NGF: variants seen among roughly 807,000 people sequenced by gnomAD.
The protein encoded by NGF is nerve growth factor.
In NGF, 4 loss-of-function variants were observed where a neutral mutation model predicts 12.8. The ratio of observed to expected loss-of-function variants is 0.31; its 90% confidence interval spans 0.15 to 0.72. The LOEUF (loss-of-function observed/expected upper bound fraction) is 0.72. NGF is among the 30% of genes least tolerant of loss of function. NGF has a pLI of 0.69. For missense variants in NGF, 283 were observed against 330.8 expected, an observed-to-expected ratio of 0.86 and a Z score of 1.12; for synonymous variants, 140 against 130.0, an observed-to-expected ratio of 1.08 and a Z score of -0.52.
intron 1 of NGF, among the ~76,000 whole-genome samples, chr1:115,326,102 G>A (rs1014439041): frequency 9.9e-5 from 15 of 152,142 alleles, no homozygotes; most frequent in South Asian, 2.1e-4. Context: ...CCAGGAAGAG[G>A]GCGATCTAGA....
At chr1:115,321,886 C>T (rs897141417) in intron 1 of NGF, among the ~76,000 whole-genome samples, 1 of 152,054 alleles carries the variant, frequency 6.6e-6, no homozygotes, top group African/African-American at 2.4e-5. Context: ...AATGTTCTTA[C>T]AGCCCCCAAA....
At chr1:115,292,268 G>C (rs1653725960) in intron 2 of NGF, among the ~76,000 whole-genome samples, 3 of 152,154 alleles carry the variant, frequency 2.0e-5, no homozygotes, top group African/African-American at 7.2e-5. Flanking sequence ...CAGAGCTTCT[G>C]TTAGGACAGG....
intron 2 of NGF, among the ~76,000 whole-genome samples, chr1:115,291,970 T>A (rs1653715305): frequency 6.6e-6 from 1 of 151,988 alleles, no homozygotes; most frequent in South Asian, 2.1e-4. Context: ...TCACTAACAG[T>A]TGGTGAGAGA....
chr1:115,325,056 G>C (rs1477132975), intron 1 of NGF, among the ~76,000 whole-genome samples: 5 of 151,972 alleles, frequency 3.3e-5, no homozygotes, highest in Non-Finnish European at 5.9e-5. Context: ...GGCAGGACTT[G>C]GTGGGGGTAG....
chr1:115,335,232 C>T (rs78362606), intron 1 of NGF, among the ~76,000 whole-genome samples: 2,575 of 152,234 alleles, frequency 0.017, 34 homozygotes, highest in Middle Eastern at 0.031. Flanking sequence ...AATAAAAGAC[C>T]GAGGACCCCA....
At chr1:115,318,386 T>C (rs1322571992) in intron 1 of NGF, among the ~76,000 whole-genome samples, 2 of 151,984 alleles carry the variant, frequency 1.3e-5, no homozygotes, top group African/African-American at 4.8e-5. Flanking sequence ...ACCCTCAAAT[T>C]ATACTTTGCC....
intron 1 of NGF, among the ~76,000 whole-genome samples, chr1:115,332,087 G>T (rs1301738190): frequency 6.6e-6 from 1 of 152,246 alleles, no homozygotes; most frequent in Non-Finnish European, 1.5e-5. Context: ...TAAACTTGAA[G>T]AATTCCTAAG....
chr1:115,288,370 G>T (rs116194596), intron 2 of NGF, among the ~76,000 whole-genome samples: 1 of 152,050 alleles, frequency 6.6e-6, no homozygotes, highest in Non-Finnish European at 1.5e-5. Flanking sequence ...CCCATTGATC[G>T]GAGGTGGGCA....
chr1:115,300,862 A>T (rs1055544652), intron 1 of NGF, among the ~76,000 whole-genome samples: 1 of 152,190 alleles, frequency 6.6e-6, no homozygotes, highest in African/African-American at 2.4e-5. Context: ...TTAGTCCCAC[A>T]TGGGCTCCTA....
intron 1 of NGF, among the ~76,000 whole-genome samples, chr1:115,319,365 A>G (rs1402438317): frequency 6.6e-6 from 1 of 152,042 alleles, no homozygotes; most frequent in East Asian, 1.9e-4. Flanking sequence ...ACACCCACAA[A>G]CACATGCTCA....
Position 115,285,925 on chromosome 1 carries a change from A to C in NGF, c.*145T>G. The C allele has an allele frequency of 8.0e-7, 1 of 1,245,978 alleles. No individual in the cohort carries two copies. The highest frequency in any genetic ancestry group is 1.1e-6 in the Non-Finnish European group (1 of 933,226). The allele number at this position is 1,245,978 out of a possible 1,614,324, so 77.2% of individuals were successfully genotyped here. ...AGCATCAGCACACAGGATGCTTCCA[A>C]AAATTTAATAAATAATGATTCTTTA... is the stretch of plus-strand genomic sequence containing the variant. On this transcript the variant is annotated 3_prime_UTR_variant, in exon 3 of 3. Coordinates refer to ENST00000369512, the MANE Select transcript of NGF (RefSeq NM_002506.3).
chr1:115,297,950 C>T (rs1653921187), intron 1 of NGF, among the ~76,000 whole-genome samples: 2 of 152,122 alleles, frequency 1.3e-5, no homozygotes, highest in Admixed American at 1.3e-4. Flanking sequence ...GGCTGGGAGC[C>T]CTAGGTGCAC....
At chr1:115,329,830 G>A (rs2101054612) in intron 1 of NGF, among the ~76,000 whole-genome samples, 1 of 145,866 alleles carries the variant, frequency 6.9e-6, no homozygotes, top group South Asian at 2.2e-4. Context: ...GCTCACTGCA[G>A]CCTCAACCTT....
At chr1:115,304,789 T>C (rs368186136) in intron 1 of NGF, among the ~76,000 whole-genome samples, 29 of 152,300 alleles carry the variant, frequency 1.9e-4, no homozygotes, top group East Asian at 5.8e-4. Context: ...TGAGCATAGC[T>C]GTCTCCTGGC....
At chr1:115,315,116 A>G (rs1654443080) in intron 1 of NGF, among the ~76,000 whole-genome samples, 1 of 152,158 alleles carries the variant, frequency 6.6e-6, no homozygotes. Context: ...GTTTTAGGAG[A>G]TGACAGCTGA....
chr1:115,314,292 G>A (rs1654414354), intron 1 of NGF, among the ~76,000 whole-genome samples: 1 of 152,166 alleles, frequency 6.6e-6, no homozygotes, highest in Admixed American at 6.5e-5. Flanking sequence ...GGCTTTGCAT[G>A]CTCAGGCCTG....
chr1:115,308,592 T>C (rs1017606231), intron 1 of NGF, among the ~76,000 whole-genome samples: 1 of 152,238 alleles, frequency 6.6e-6, no homozygotes, highest in African/African-American at 2.4e-5. Context: ...TGGAATTCTC[T>C]GTCATGAGCA....
chr1:115,296,342 A>T (rs186475679), intron 1 of NGF, among the ~76,000 whole-genome samples: 2 of 152,246 alleles, frequency 1.3e-5, no homozygotes, highest in Non-Finnish European at 2.9e-5. Flanking sequence ...GCTTTTAATC[A>T]GTGGAGCAAC....
chr1:115,313,657 C>T (rs1337305140), intron 1 of NGF, among the ~76,000 whole-genome samples: 3 of 152,126 alleles, frequency 2.0e-5, no homozygotes, highest in Non-Finnish European at 4.4e-5. Flanking sequence ...CTTCCAGATA[C>T]TAAAGAGTTT....
Sources: gnomAD v4.1 joint callset for allele counts (sites outside exome capture counted in the v4.1 genomes callset) on GRCh38, gnomAD v4.1.1 for gene constraint, MANE v1.5 for transcripts, NCBI Gene and HGNC (gene_info 2026-07-23, HGNC 2026-07-21) for gene names.